FSTL5: variants seen among roughly 807,000 people sequenced by gnomAD.
FSTL5 encodes follistatin-related protein 5.
In FSTL5, 62 loss-of-function variants were observed where a neutral mutation model predicts 89.1. The ratio of observed to expected loss-of-function variants is 0.70; its 90% CI spans 0.57 to 0.86. The LOEUF (loss-of-function observed/expected upper bound fraction) is 0.86. FSTL5 is among the 40% of genes least tolerant of loss of function. The pLI is 0.00. For synonymous variants in FSTL5, 383 were observed against 346.2 expected, an observed-to-expected ratio of 1.11 and a Z score of -1.18; for missense variants, 1,057 against 1,001.6, an observed-to-expected ratio of 1.06 and a Z score of -0.75.
At chr4:161,838,940 ATAAAT>A (rs1297376751) in intron 4 of FSTL5, among the ~76,000 whole-genome samples, 33 of 152,166 alleles carry the variant, frequency 2.2e-4, no homozygotes, top group Admixed American at 7.9e-4. Context: ...TTAAATAATT[ATAAAT>A]TAAACACTTT....
chr4:162,075,997 C>T (rs1175740565), intron 2 of FSTL5, among the ~76,000 whole-genome samples: 1 of 151,788 alleles, frequency 6.6e-6, no homozygotes, highest in Non-Finnish European at 1.5e-5. Context: ...AGAGTATTCC[C>T]AATAAGACAT....
At chr4:161,570,141 T>C (rs1247148716) in intron 8 of FSTL5, among the ~76,000 whole-genome samples, 1 of 152,160 alleles carries the variant, frequency 6.6e-6, no homozygotes, top group Non-Finnish European at 1.5e-5. Context: ...TATTTTAGGC[T>C]ATGTGCAGTT....
At chr4:161,766,074 G>T (rs1037974148) in intron 5 of FSTL5, among the ~76,000 whole-genome samples, 2 of 152,140 alleles carry the variant, frequency 1.3e-5, no homozygotes, top group South Asian at 4.1e-4. Flanking sequence ...GATTACAGGC[G>T]TGAGCCACCG....
At chr4:161,721,310 T>TAAAAAA (rs1553961067) in intron 6 of FSTL5, among the ~76,000 whole-genome samples, 31 of 107,246 alleles carry the variant, frequency 2.9e-4, no homozygotes, top group Non-Finnish European at 5.0e-4. Flanking sequence ...AAAAAAAAAT[T>TAAAAAA]TTTCTAAGAA....
At chr4:161,416,383 T>G (rs1171563497) in intron 15 of FSTL5, among the ~76,000 whole-genome samples, 1 of 152,114 alleles carries the variant, frequency 6.6e-6, no homozygotes, top group Admixed American at 6.5e-5. Flanking sequence ...GCTTTTTCTG[T>G]TTGTTGTGTT....
At chr4:161,674,185 G>T (rs940943413) in intron 6 of FSTL5, among the ~76,000 whole-genome samples, 1 of 151,920 alleles carries the variant, frequency 6.6e-6, no homozygotes, top group Non-Finnish European at 1.5e-5. Context: ...CAGATATACA[G>T]ATATATAAAC....
chr4:161,790,602 T>C (rs540422171), intron 4 of FSTL5, among the ~76,000 whole-genome samples: 7 of 152,256 alleles, frequency 4.6e-5, no homozygotes, highest in Admixed American at 1.3e-4. Context: ...TACTGCCATA[T>C]ATATTACTGT....
At chr4:161,588,262 AC>A (rs1193604867) in intron 7 of FSTL5, among the ~76,000 whole-genome samples, 2 of 152,112 alleles carry the variant, frequency 1.3e-5, no homozygotes, top group Admixed American at 6.6e-5. Flanking sequence ...TAAAACAAAT[AC>A]CTGTTAACTG....
chr4:162,053,500 A>T (rs2111262724), intron 2 of FSTL5, among the ~76,000 whole-genome samples: 1 of 151,910 alleles, frequency 6.6e-6, no homozygotes, highest in East Asian at 1.9e-4. Context: ...TGTATAAAAC[A>T]TGTGTGCATA....
chr4:161,434,681 G>A (rs959269960), intron 15 of FSTL5, among the ~76,000 whole-genome samples: 26 of 151,764 alleles, frequency 1.7e-4, no homozygotes, highest in African/African-American at 5.8e-4. Flanking sequence ...CTGACAAGTG[G>A]TTAATAACTA....
At chr4:161,506,698 C>G (rs1343977564) in intron 11 of FSTL5, among the ~76,000 whole-genome samples, 1 of 152,048 alleles carries the variant, frequency 6.6e-6, no homozygotes, top group Non-Finnish European at 1.5e-5. Context: ...TAATTTTAGG[C>G]TGAAGAAGCT....
At chr4:161,842,367 A>T (rs897531389) in intron 4 of FSTL5, among the ~76,000 whole-genome samples, 3 of 152,196 alleles carry the variant, frequency 2.0e-5, no homozygotes, top group Admixed American at 2.0e-4. Flanking sequence ...ATTCTTTCAG[A>T]TTATTTTTCA....
At chr4:161,651,041 C>A (rs949409228) in intron 7 of FSTL5, among the ~76,000 whole-genome samples, 2 of 152,070 alleles carry the variant, frequency 1.3e-5, no homozygotes, top group African/African-American at 4.8e-5. Flanking sequence ...ACAACCAATT[C>A]TATTTTATTT....
chr4:161,461,331 G>T (rs370452046), intron 13 of FSTL5, among the ~76,000 whole-genome samples: 1 of 148,804 alleles, frequency 6.7e-6, no homozygotes, highest in Non-Finnish European at 1.5e-5. Flanking sequence ...GAGCTGTGGC[G>T]GGCGCCTGTA....
At chr4:162,141,605 A>T (rs7375994) in intron 1 of FSTL5, among the ~76,000 whole-genome samples, 115,513 of 152,032 alleles carry the variant, frequency 0.76, 44,273 homozygotes, top group Non-Finnish European at 0.81. Context: ...GGTATTCCTG[A>T]AGAGCAATGC....
intron 6 of FSTL5, among the ~76,000 whole-genome samples, chr4:161,686,320 ATATATATATATATATATATATATATATTT>A (rs1737717973): frequency 2.5e-4 from 1 of 3,926 alleles, no homozygotes; most frequent in African/African-American, 8.7e-4. Context: ...ATATATATAT[ATATATATATATATATATATATATATATTT>A]TTTTTTTTTT....
chr4:161,502,191 G>A (rs1044165565), intron 11 of FSTL5, among the ~76,000 whole-genome samples: 6 of 151,862 alleles, frequency 4.0e-5, no homozygotes, highest in African/African-American at 7.2e-5. Context: ...TTACCACTAT[G>A]CATACTTTTA....
rs35183730 is a variant in FSTL5, at chr4:161,812,879, CAAAAAAAAAAAAAAA to C, written c.410-36820_410-36806del. ...ATCCAAACAAGATCCTAAATCCCAG[CAAAAAAAAAAAAAAA>C]AAAAAAAAAAAAAGATTACGTTTTA... is the stretch of plus-strand genomic sequence containing the variant. On this transcript the variant is annotated intron_variant, in intron 4 of 15. Coordinates refer to ENST00000306100, the MANE Select transcript of FSTL5 (RefSeq NM_020116.5). Among the ~76,000 whole-genome samples the C allele has an allele frequency of 2.5e-3, 102 of 41,570 alleles. 3 individuals carry two copies. The South Asian group carries it at 0.033, about 13-fold the overall frequency. The allele number at this position is 41,570 out of a possible 152,430, so 27.3% of individuals were successfully genotyped here. A position where few individuals can be genotyped will look rare whatever the true frequency, so the allele number is the denominator to read the frequency against.
At chr4:161,582,607 G>T (rs1439690191) in intron 8 of FSTL5, among the ~76,000 whole-genome samples, 2 of 152,122 alleles carry the variant, frequency 1.3e-5, no homozygotes, top group African/African-American at 4.8e-5. Context: ...ACCAATTTTA[G>T]GGCTGTGGTT....
Sources: gnomAD v4.1 joint callset for allele counts (sites outside exome capture counted in the v4.1 genomes callset) on GRCh38, gnomAD v4.1.1 for gene constraint, MANE v1.5 for transcripts, NCBI Gene and HGNC (gene_info 2026-07-23, HGNC 2026-07-21) for gene names.